CLCF1: variants seen among roughly 807,000 people sequenced by gnomAD.
The protein encoded by CLCF1 is cardiotrophin like cytokine factor 1.
CLCF1 carries 10 observed loss-of-function variants against 21.2 expected under a neutral mutation model. That is an observed-to-expected ratio of 0.47 (90% CI 0.29 to 0.80). The LOEUF (loss-of-function observed/expected upper bound fraction) is 0.80. CLCF1 is among the 30% of genes least tolerant of loss of function. The pLI is 0.09. For missense variants in CLCF1, 240 were observed against 293.4 expected, an observed-to-expected ratio of 0.82 and a Z score of 1.33; for synonymous variants, 115 against 120.5, an observed-to-expected ratio of 0.95 and a Z score of 0.30.
In CLCF1 at chr11:67,372,881, C is replaced by T. The variant is rs1303931669; in HGVS notation, c.16+643G>A. Among the ~76,000 whole-genome samples, 1 of 150,524 alleles carries T rather than the reference C, an allele frequency of 6.6e-6. No individual in the cohort carries two copies. The highest frequency in any genetic ancestry group is 1.5e-5 in the Non-Finnish European group (1 of 67,382). ...CCGCCCCTACCTGCCGCCGGCTCCC[C>T]GGCCGTGGGCACCATGGAGGGTTCC... is the stretch of plus-strand genomic sequence containing the variant. On this transcript the variant is annotated intron_variant, in intron 1 of 2. Transcript: ENST00000312438. This position sits in a 1 kb window ranked among gnomAD's most constrained non-coding sequence, Gnocchi z 5.9.
chr11:67,368,170 T>A (rs935726390), intron 1 of CLCF1: 1 of 985,326 alleles, frequency 1.0e-6, no homozygotes, highest in Non-Finnish European at 1.2e-6. Flanking sequence ...AAGCAAGGTA[T>A]AGGGTTAGAC....
intron 1 of CLCF1, among the ~76,000 whole-genome samples, chr11:67,371,658 A>G (rs1271962518): frequency 6.6e-6 from 1 of 152,102 alleles, no homozygotes; most frequent in Non-Finnish European, 1.5e-5. Flanking sequence ...CCAGCAGCCC[A>G]CTGAGAGCCA....
At chr11:67,367,764 A>T in intron 1 of CLCF1, 138 bp from the exon 2 acceptor site, 2 of 1,510,774 alleles carry the variant, frequency 1.3e-6, no homozygotes, top group Non-Finnish European at 1.8e-6. Context: ...GGCAGAGGGG[A>T]TGGAGGAGGG....
At chr11:67,369,190 CAG>C (rs1862179287) in intron 1 of CLCF1, 12 of 985,326 alleles carry the variant, frequency 1.2e-5, no homozygotes, top group African/African-American at 5.2e-5. Flanking sequence ...TTATGGAGGA[CAG>C]GGGTCAGTGA....
chr11:67,373,126 C>T (rs994873203), intron 1 of CLCF1, among the ~76,000 whole-genome samples: 39 of 151,724 alleles, frequency 2.6e-4, no homozygotes, highest in Admixed American at 2.2e-3. Flanking sequence ...CTCGGGCTCC[C>T]CCGGCCTCCC....
chr11:67,370,703 A>G (rs1862214186), intron 1 of CLCF1: 3 of 985,142 alleles, frequency 3.0e-6, no homozygotes, highest in Non-Finnish European at 3.6e-6. Flanking sequence ...CCGTGAGCAC[A>G]TGTCTTTAGC....
At chr11:67,367,984 G>A (rs1054492560) in intron 1 of CLCF1, 4 of 985,040 alleles carry the variant, frequency 4.1e-6, no homozygotes, top group Non-Finnish European at 4.8e-6. Flanking sequence ...ACTGCAGGTC[G>A]ACCTGCCTGT....
chr11:67,373,410 A>G (rs1439522852), intron 1 of CLCF1, 114 bp downstream of exon 1: 2 of 526,672 alleles, frequency 3.8e-6, no homozygotes, highest in Non-Finnish European at 6.3e-6. Flanking sequence ...GCCCGAGCCC[A>G]GCTCCCTGGC....
Position 67,364,986 on chromosome 11 carries a change from G to T in CLCF1, c.*150C>A. 1 of 1,311,922 alleles carries T rather than the reference G, an allele frequency of 7.6e-7. No individual in the cohort carries two copies. Among genetic ancestry groups the T allele is most frequent in the Non-Finnish European group, 1.0e-6 (1 of 953,138 alleles). The allele number at this position is 1,311,922 out of a possible 1,614,324, so 81.3% of individuals were successfully genotyped here. A position where few individuals can be genotyped will look rare whatever the true frequency, so the allele number is the denominator to read the frequency against. On this transcript the variant is annotated 3_prime_UTR_variant, in exon 3 of 3. Coordinates refer to ENST00000312438, the MANE Select transcript of CLCF1 (RefSeq NM_013246.3). ...CTTTGGGAGGTGGGGAGGAGACAGG[G>T]CTGATCGCATCACACGCCCAGCCGG...
At chr11:67,370,260 A>AGCT in intron 1 of CLCF1, 1 of 985,332 alleles carries the variant, frequency 1.0e-6, no homozygotes, top group Non-Finnish European at 1.2e-6. Flanking sequence ...AACCCAACAC[A>AGCT]GCTCGCCTGC....
chr11:67,373,787 G>A (rs540113469), upstream of CLCF1: 2 of 1,085,044 alleles, frequency 1.8e-6, no homozygotes, highest in Non-Finnish European at 2.3e-6. Flanking sequence ...GGGGGTAGGA[G>A]GGGGGAGGAG....
intron 1 of CLCF1, 57 bp downstream of exon 1, chr11:67,373,466 CG>C (rs1862281240): frequency 2.0e-6 from 2 of 977,152 alleles, no homozygotes; most frequent in African/African-American, 3.4e-5. Context: ...GGACGGGAAC[CG>C]GATCTCGTGG....
At chr11:67,373,758 T>C, upstream of CLCF1, 1 of 1,058,688 alleles carries the variant, frequency 9.4e-7, no homozygotes, top group Non-Finnish European at 1.1e-6. Context: ...CCACAAATTG[T>C]AGCGGCCCTC....
rs1401270824 is a variant in CLCF1 at position 67,365,882 on chromosome 11, C to CGCACAAGACGCTCAGGAAGG, written c.184-272_184-253dup. Among the ~76,000 whole-genome samples, 1 of 152,074 alleles carries CGCACAAGACGCTCAGGAAGG rather than the reference C, an allele frequency of 6.6e-6. No individual in the cohort carries two copies. Among genetic ancestry groups the CGCACAAGACGCTCAGGAAGG allele is most frequent in the Non-Finnish European group, 1.5e-5 (1 of 68,002 alleles). On this transcript the variant is annotated intron_variant, in intron 2 of 2. Transcript: ENST00000312438. The surrounding 1 kb of genome is among the most constrained non-coding windows in gnomAD (Gnocchi z 5.0). ...GCGTAGAAAAAGGAGGAGGAGGAGA[C>CGCACAAGACGCTCAGGAAGG]GCACAAGACGCTCAGGAAGGACGTG...
At position 67,373,510 on chromosome 11, in the gene CLCF1, C is replaced by T; in HGVS notation, c.16+14G>A. On this transcript the variant is annotated intron_variant, in intron 1 of 2. Transcript: ENST00000312438. ...GCGGGGCGGGGGTCGGGGCCTCGGC[C>T]GCCTGGCTCCTACCTGCTCGGAGGT... 2.2e-6 allele frequency: 3 copies of T among 1,381,800 alleles called. No homozygotes were observed. Among genetic ancestry groups the T allele is most frequent in the African/African-American group, 1.5e-5 (1 of 66,640 alleles). The allele number at this position is 1,381,800 out of a possible 1,614,324, so 85.6% of individuals were successfully genotyped here.
In CLCF1 at chr11:67,372,953, T is replaced by G. The variant is rs559338836; in HGVS notation, c.16+571A>C. 6.7e-6 allele frequency among the ~76,000 whole-genome samples: 1 copy of G among 148,308 alleles called. No individual in the cohort carries two copies. The highest frequency in any genetic ancestry group is 2.1e-4 in the East Asian group (1 of 4,848). ...GAAGCCGCGAGTCCCGCGGCGCGGC[T>G]CGGCCCGTCCGGCCCGGCCCAGCCA... On this transcript the variant is annotated intron_variant, in intron 1 of 2. Transcript: ENST00000312438. The surrounding 1 kb of genome is among the most constrained non-coding windows in gnomAD (Gnocchi z 5.9).
chr11:67,368,079 A>G (rs1862154326), intron 1 of CLCF1: 2 of 985,300 alleles, frequency 2.0e-6, no homozygotes, highest in African/African-American at 3.5e-5. Context: ...AGCACATGTC[A>G]GAGCTGGCAG....
At position 67,365,882 on chromosome 11, in the gene CLCF1, C is replaced by A. The variant is rs1333662240; in HGVS notation, c.184-252G>T. On this transcript the variant is annotated intron_variant, in intron 2 of 2. Transcript: ENST00000312438. This position sits in a 1 kb window ranked among gnomAD's most constrained non-coding sequence, Gnocchi z 5.0. ...GCGTAGAAAAAGGAGGAGGAGGAGA[C>A]GCACAAGACGCTCAGGAAGGACGTG... Among the ~76,000 whole-genome samples the A allele has an allele frequency of 1.3e-5, 2 of 152,074 alleles. No individual in the cohort carries two copies. Among genetic ancestry groups the A allele is most frequent in the African/African-American group, 4.8e-5 (2 of 41,402 alleles).
intron 1 of CLCF1, chr11:67,368,881 G>A: frequency 1.0e-6 from 1 of 967,272 alleles, no homozygotes; most frequent in Non-Finnish European, 1.2e-6. Flanking sequence ...GAGGTCATGA[G>A]TGGTTTCTTT....
Sources: gnomAD v4.1 joint callset for allele counts (sites outside exome capture counted in the v4.1 genomes callset) on GRCh38, gnomAD v4.1.1 for gene constraint, Gnocchi (gnomAD v3.1) non-coding constraint, MANE v1.5 for transcripts, NCBI Gene and HGNC (gene_info 2026-07-23, HGNC 2026-07-21) for gene names.